Variants in TLE3 observed in about 807,000 individuals in gnomAD.
The protein encoded by TLE3 is TLE family member 3, transcriptional corepressor, also known as transducin-like enhancer protein 3.
TLE3 carries 14 observed loss-of-function variants against 93.0 expected under a neutral mutation model. The observed-to-expected ratio is 0.15, with a 90% CI of 0.10 to 0.24. The LOEUF (loss-of-function observed/expected upper bound fraction) is 0.24, where lower values mean the gene tolerates loss of function less well. TLE3 is among the 10% of genes least tolerant of loss of function. The probability of loss-of-function intolerance (pLI) is 1.00; values close to 1 mark genes in which losing one functional copy is unlikely to be tolerated. For missense variants in TLE3, 693 were observed against 1,046.6 expected (o/e 0.66, Z 4.66); for synonymous variants, 451 against 425.0 (o/e 1.06, Z -0.75).
Position 70,060,537 on chromosome 15 carries a change from C to T in TLE3, c.707G>A (p.Ser236Asn). The T allele has an allele frequency of 6.2e-7, 1 of 1,613,888 alleles. No homozygotes were observed. Reference sequence around the variant, plus strand: ...ATGGCGCCTTGGACGTACGTATCGGCTCAAGCTGTCCTTCTCCTCCGCCTT... The same window carrying T: ...ATGGCGCCTTGGACGTACGTATCGGTTCAAGCTGTCCTTCTCCTCCGCCTT... ...KRKAEEKDSL[S>N]RYDSDGDKSD... is the part of the protein sequence containing the mutation. The change falls in exon 9 of 20, where the codon AGC becomes AAC. Residue 236 changes from serine to asparagine, a missense_variant. Ser to Asn is a conservative substitution (Grantham distance 46). Coordinates refer to ENST00000451782, the MANE Select transcript of TLE3 (RefSeq NM_001105192.3).
intron 6 of TLE3, among the ~76,000 whole-genome samples, chr15:70,073,837 G>GC (rs2057306017): frequency 6.6e-6 from 1 of 152,208 alleles, no homozygotes; most frequent in Admixed American, 6.5e-5. Context: ...CCTAAGAAAT[G>GC]CATTAAAGAT....
At position 70,048,084 on chromosome 15, in the gene TLE3, A is replaced by T. The variant is rs1360089923; in HGVS notation, c.*2013T>A. The stretch of plus-strand genomic sequence containing the variant: ...ATGAGAAGAGCTCACATCGATGGGA[A>T]ATGGCCCTGGCCCAGGCTCCAGAAT... On this transcript the variant is annotated 3_prime_UTR_variant, in exon 20 of 20. Coordinates refer to ENST00000451782, the MANE Select transcript of TLE3 (RefSeq NM_001105192.3). 7.0e-6 allele frequency: 1 copy of T among 143,382 alleles called. No homozygotes were observed. Among genetic ancestry groups the T allele is most frequent in the African/African-American group, 2.6e-5 (1 of 37,812 alleles). 8.9% of individuals were successfully genotyped at this position (143,382 alleles called of 1,614,324 possible). A position where few individuals can be genotyped will look rare whatever the true frequency, so the allele number is the denominator to read the frequency against.
rs751496289 is a variant in TLE3 at position 70,096,894 on chromosome 15, G to A, written c.-96C>T. Reference sequence around the variant, plus strand: ...GGGGAGCCGAGCCCGAGCGGGGGGCGGCCGGGAAACCGAGAGCTCGCCCCC... The same window carrying A: ...GGGGAGCCGAGCCCGAGCGGGGGGCAGCCGGGAAACCGAGAGCTCGCCCCC... On this transcript the variant is annotated 5_prime_UTR_variant, in exon 1 of 20. Transcript: ENST00000451782. The A allele has an allele frequency of 1.4e-6, 2 of 1,417,716 alleles. No individual in the cohort carries two copies. The highest frequency in any genetic ancestry group is 1.4e-5 in the African/African-American group (1 of 69,204). The allele number at this position is 1,417,716 out of a possible 1,614,324, so 87.8% of individuals were successfully genotyped here.
rs2058605520 is a variant in TLE3, at chr15:70,097,154, G to A, written c.-356C>T. 1 of 419,430 alleles carries A rather than the reference G, an allele frequency of 2.4e-6. No individual in the cohort carries two copies. The highest frequency in any genetic ancestry group is 4.1e-6 in the Non-Finnish European group (1 of 241,604). 26.0% of individuals were successfully genotyped at this position (419,430 alleles called of 1,614,324 possible). The stretch of plus-strand genomic sequence containing the variant: ...ACATCGTCGGCTCCCCAGCAGGTCC[G>A]GCGCGGGGTCCCGAGGCCGGGGGCC... On this transcript the variant is annotated 5_prime_UTR_variant, in exon 1 of 20. Transcript: ENST00000451782.
intron 16 of TLE3, chr15:70,053,989 T>A (rs1226547071): frequency 6.1e-6 from 1 of 164,384 alleles, no homozygotes; most frequent in Non-Finnish European, 1.3e-5. Context: ...TGTCACTGTT[T>A]TACACAGGAA....
At chr15:70,086,253 T>C (rs1162826526) in intron 4 of TLE3, among the ~76,000 whole-genome samples, 1 of 152,206 alleles carries the variant, frequency 6.6e-6, no homozygotes, top group African/African-American at 2.4e-5. Context: ...TAGTCTGCAC[T>C]GAACTGCCTT....
chr15:70,057,402 C>A, intron 13 of TLE3, 57 bp downstream of exon 13: 1 of 1,523,936 alleles, frequency 6.6e-7, no homozygotes, highest in African/African-American at 1.4e-5. Context: ...CCCGTCCAAC[C>A]ACTGGCTCCC....
At chr15:70,066,865 T>C in intron 6 of TLE3, 2 of 324,810 alleles carry the variant, frequency 6.2e-6, no homozygotes, top group Non-Finnish European at 6.4e-6. Flanking sequence ...AGGATTGAAA[T>C]CCCAGCTCTG....
chr15:70,096,653 G>C, intron 1 of TLE3, 122 bp downstream of exon 1: 1 of 1,552,216 alleles, frequency 6.4e-7, no homozygotes, highest in Non-Finnish European at 8.7e-7. Flanking sequence ...CTTTGTGTGA[G>C]AGCACACACA....
At chr15:70,060,711 C>G in intron 8 of TLE3, 62 bp from the exon 9 acceptor site, 1 of 1,595,358 alleles carries the variant, frequency 6.3e-7, no homozygotes, top group Non-Finnish European at 8.5e-7. Flanking sequence ...TTCACACATC[C>G]GCACACAGCT....
chr15:70,056,223 G>C, intron 14 of TLE3, 75 bp downstream of exon 14: 1 of 1,473,620 alleles, frequency 6.8e-7, no homozygotes, highest in Non-Finnish European at 9.5e-7. Flanking sequence ...GATGAGGGGC[G>C]TTGTTGGAAT....
intron 6 of TLE3, among the ~76,000 whole-genome samples, chr15:70,067,960 C>T (rs1291833385): frequency 6.6e-6 from 1 of 152,196 alleles, no homozygotes; most frequent in Non-Finnish European, 1.5e-5. Context: ...GACACTATGG[C>T]AGACACAAAG....
intron 8 of TLE3, among the ~76,000 whole-genome samples, chr15:70,061,871 G>A (rs1370770162): frequency 6.7e-6 from 1 of 150,200 alleles, no homozygotes; most frequent in Non-Finnish European, 1.5e-5. Context: ...CAGTCCCCAT[G>A]CAACACAGGA....
chr15:70,053,720 G>A (rs147863411), intron 16 of TLE3: 64 of 199,404 alleles, frequency 3.2e-4, no homozygotes, highest in African/African-American at 1.4e-3. Context: ...AGGCAGGAAG[G>A]CCCTGGGGAA....
chr15:70,091,469 C>A (rs1408520407), intron 4 of TLE3, among the ~76,000 whole-genome samples: 1 of 152,240 alleles, frequency 6.6e-6, no homozygotes, highest in African/African-American at 2.4e-5. Context: ...TCATCACTGC[C>A]TTCCCAGACT....
At chr15:70,096,724 G>T in intron 1 of TLE3, 51 bp downstream of exon 1, 1 of 1,606,960 alleles carries the variant, frequency 6.2e-7, no homozygotes, top group Non-Finnish European at 8.5e-7. Context: ...AAACTGCCTC[G>T]TTTACCCTGC....
chr15:70,063,262 A>G (rs2056606908), intron 8 of TLE3, among the ~76,000 whole-genome samples: 1 of 152,240 alleles, frequency 6.6e-6, no homozygotes, highest in Non-Finnish European at 1.5e-5. Context: ...TGTCCAATCC[A>G]GGCCTCCGCC....
chr15:70,060,252 GGGTTGTTGGCCTGTCTGT>G (rs2056379001), intron 9 of TLE3, among the ~76,000 whole-genome samples: 1 of 152,290 alleles, frequency 6.6e-6, no homozygotes, highest in East Asian at 1.9e-4. Flanking sequence ...CAGCAGCATG[GGGTTGTTGGCCTGTCTGT>G]GGGAAGAGAC....
chr15:70,058,793 C>G lies in TLE3; in HGVS notation c.788G>C (p.Ser263Thr). The G allele has an allele frequency of 6.2e-7, 1 of 1,600,924 alleles. No individual in the cohort carries two copies. The highest frequency in any genetic ancestry group is 1.1e-5 in the South Asian group (1 of 89,234). The change falls in exon 11 of 20, where the codon AGC (serine) becomes ACC (threonine). Residue 263 changes from serine to threonine, a missense_variant. Physicochemically the swap from Ser to Thr is moderately conservative, Grantham distance 58. Coordinates refer to ENST00000451782, the MANE Select transcript of TLE3 (RefSeq NM_001105192.3). This position sits in a 1 kb window ranked among gnomAD's most constrained non-coding sequence, Gnocchi z 4.1. ...ATTTTCAGGAGGGGAGTGTGCCGGG[C>G]TGACCCGGGGCGTTGCGGGGTCCTG... ...SNEDPATPRV[S>T]PAHSPPENGL...
Sources: allele counts gnomAD v4.1 joint callset (sites outside exome capture counted in the v4.1 genomes callset), GRCh38; gene constraint gnomAD v4.1.1; non-coding constraint Gnocchi (gnomAD v3.1); transcripts MANE v1.5; gene names NCBI Gene and HGNC (gene_info 2026-07-23, HGNC 2026-07-21).